The following GBF1 variants were observed in gnomAD, a reference collection of about 807,000 sequenced individuals.
GBF1 encodes the protein golgi brefeldin A resistant guanine nucleotide exchange factor 1.
In GBF1, 114 loss-of-function variants were observed where a neutral mutation model predicts 210.5. The ratio of observed to expected loss-of-function variants is 0.54; its 90% CI spans 0.47 to 0.63. The LOEUF is 0.63. Ranked by LOEUF, GBF1 falls within the 30% of genes least tolerant of loss-of-function variation. The pLI is 0.00. For missense variants in GBF1, 1,851 were observed against 2,357.7 expected, an observed-to-expected ratio of 0.79 and a Z score of 4.45; for synonymous variants, 850 against 889.2, an observed-to-expected ratio of 0.96 and a Z score of 0.78.
intron 14 of GBF1, 86 bp downstream of exon 14, chr10:102,361,998 AG>A (rs1484930147): frequency 1.7e-6 from 1 of 572,410 alleles, no homozygotes; most frequent in Non-Finnish European, 2.9e-6. Flanking sequence ...ACATACAGAG[AG>A]GGGAACACTT....
chr10:102,288,741 A>AC lies in GBF1; in HGVS notation c.163+28625_163+28626insC, dbSNP rs1188524214. On this transcript the variant is annotated intron_variant, in intron 3 of 39. Coordinates refer to ENST00000369983, the MANE Select transcript of GBF1 (RefSeq NM_001377137.1). ...TCAAAGGAAAAAAAAAAAAACAAAA[A>AC]AAAAAAACGAAATTACTTGTCACTA... is the stretch of plus-strand genomic sequence containing the variant. Among the ~76,000 whole-genome samples, 18 of 151,112 alleles carry AC rather than the reference A, an allele frequency of 1.2e-4. 1 individual carries two copies. Among genetic ancestry groups the AC allele is most frequent in the African/African-American group, 7.3e-5 (3 of 41,202 alleles).
chr10:102,365,698 C>T, intron 18 of GBF1, 99 bp downstream of exon 18: 1 of 1,030,028 alleles, frequency 9.7e-7, no homozygotes, highest in Non-Finnish European at 1.5e-6. Flanking sequence ...ATCACTCGAG[C>T]TCAGGAGTTC....
At chr10:102,349,753 G>T (rs1167310817) in intron 4 of GBF1, among the ~76,000 whole-genome samples, 1 of 152,156 alleles carries the variant, frequency 6.6e-6, no homozygotes, top group East Asian at 1.9e-4. Context: ...TAGGGCAGGA[G>T]CTAGGCAAGA....
At chr10:102,243,106 A>G (rs2070581310), upstream of GBF1, among the ~76,000 whole-genome samples, 1 of 151,952 alleles carries the variant, frequency 6.6e-6, no homozygotes, top group Non-Finnish European at 1.5e-5. Context: ...CCAATTTCCT[A>G]GTAGTGTCCT....
chr10:102,280,937 A>G (rs2075423307), intron 3 of GBF1, among the ~76,000 whole-genome samples: 1 of 152,152 alleles, frequency 6.6e-6, no homozygotes. Context: ...AATTTCCTGC[A>G]CTTCTGGGAC....
chr10:102,231,985 G>A, the GBF1 span: 41 of 1,610,398 alleles, frequency 2.5e-5, no homozygotes, highest in Non-Finnish European at 2.5e-5. Flanking sequence ...GGCCCTTGCA[G>A]CCGTGCTCTG....
chr10:102,255,741 A>G (rs2072257582), intron 1 of GBF1, among the ~76,000 whole-genome samples: 1 of 152,116 alleles, frequency 6.6e-6, no homozygotes, highest in South Asian at 2.1e-4. Flanking sequence ...TCTTTCTTCT[A>G]TTTCTAAGTT....
intron 28 of GBF1, 69 bp downstream of exon 28, chr10:102,370,547 C>T (rs1322044429): frequency 7.3e-7 from 1 of 1,366,468 alleles, no homozygotes; most frequent in African/African-American, 1.4e-5. Context: ...AGCCATCTTG[C>T]TGAGTGGGCT....
At chr10:102,362,804 A>ACAGGC in intron 15 of GBF1, 140 bp downstream of exon 15, 2 of 647,168 alleles carry the variant, frequency 3.1e-6, no homozygotes, top group South Asian at 3.9e-5. Flanking sequence ...AGTTTAAATC[A>ACAGGC]CAGGCCAGTC....
rs776206672 is a variant in GBF1, at chr10:102,376,446, T to C, written c.4047+14T>C. The C allele has an allele frequency of 1.2e-6, 2 of 1,613,956 alleles. No homozygotes were observed. Among genetic ancestry groups the C allele is most frequent in the Non-Finnish European group, 8.5e-7 (1 of 1,179,838 alleles). On this transcript the variant is annotated intron_variant, in intron 31 of 39. Coordinates refer to ENST00000369983, the MANE Select transcript of GBF1 (RefSeq NM_001377137.1). ...GGTTGGTTAGTGGTGAGTGACAATA[T>C]GGGCAGCAATTGAGTCTCTCCTGCT...
chr10:102,272,045 G>A (rs113390229), intron 3 of GBF1, among the ~76,000 whole-genome samples: 77 of 151,870 alleles, frequency 5.1e-4, no homozygotes, highest in African/African-American at 1.8e-3. Flanking sequence ...GAGCTATTGC[G>A]CCCAGCCTTA....
chr10:102,241,857 G>A (rs1233035497), upstream of GBF1, among the ~76,000 whole-genome samples: 1 of 152,246 alleles, frequency 6.6e-6, no homozygotes, highest in Admixed American at 6.5e-5. The surrounding 1 kb of genome is among the most constrained non-coding windows in gnomAD (Gnocchi z 6.7). Flanking sequence ...CAGCGAAGTG[G>A]GTTGGGCCGC....
rs563407191 is a variant in GBF1 at position 102,277,001 on chromosome 10, C to CGTAT, written c.163+16902_163+16905dup. Among the ~76,000 whole-genome samples, 413 of 151,958 alleles carry CGTAT rather than the reference C, an allele frequency of 2.7e-3. 1 individual carries two copies. The highest frequency in any genetic ancestry group is 7.6e-3 in the African/African-American group (314 of 41,428). On this transcript the variant is annotated intron_variant, in intron 3 of 39. Transcript: ENST00000369983. ...ACACACACACACACACATGCACACA[C>CGTAT]GTATGTATGTATGTATGTATATATA...
upstream of GBF1, among the ~76,000 whole-genome samples, chr10:102,244,826 C>G (rs2070679508): frequency 6.6e-6 from 1 of 152,174 alleles, no homozygotes; most frequent in Non-Finnish European, 1.5e-5. Flanking sequence ...GCCTTCCACC[C>G]TGGGGCTGTT....
chr10:102,307,510 G>C (rs552965657), intron 3 of GBF1, among the ~76,000 whole-genome samples: 1 of 151,710 alleles, frequency 6.6e-6, no homozygotes, highest in South Asian at 2.1e-4. Flanking sequence ...AGATTTCCCA[G>C]CTGGGCACAG....
At chr10:102,319,361 G>A (rs903336155) in intron 3 of GBF1, among the ~76,000 whole-genome samples, 1 of 147,680 alleles carries the variant, frequency 6.8e-6, no homozygotes, top group Non-Finnish European at 1.5e-5. Flanking sequence ...TAACATAGCA[G>A]GACTCCTGTC....
At chr10:102,301,267 A>G (rs2077322079) in intron 3 of GBF1, among the ~76,000 whole-genome samples, 1 of 152,228 alleles carries the variant, frequency 6.6e-6, no homozygotes, top group African/African-American at 2.4e-5. Flanking sequence ...GAGTGGACAC[A>G]GCACATGTTT....
At chr10:102,234,783 C>T in the GBF1 span, among the ~76,000 whole-genome samples, 1 of 152,174 alleles carries the variant, frequency 6.6e-6, no homozygotes, top group Non-Finnish European at 1.5e-5. Flanking sequence ...ACCCTTGCCA[C>T]CTAGCCTTCC....
At chr10:102,270,110 C>CCT (rs2074255987) in intron 3 of GBF1, among the ~76,000 whole-genome samples, 1 of 151,922 alleles carries the variant, frequency 6.6e-6, no homozygotes, top group Admixed American at 6.6e-5. Context: ...GATCTCCTGA[C>CCT]CTCATGATCT....
Sources: gnomAD v4.1 joint callset for allele counts (sites outside exome capture counted in the v4.1 genomes callset) on GRCh38, gnomAD v4.1.1 for gene constraint, Gnocchi (gnomAD v3.1) non-coding constraint, MANE v1.5 for transcripts, NCBI Gene and HGNC (gene_info 2026-07-23, HGNC 2026-07-21) for gene names.